Variants in FRS2 observed in about 807,000 individuals in gnomAD.
FRS2 encodes the protein FGFR signalling adaptor.
A neutral mutation model predicts 43.9 loss-of-function variants in FRS2; 8 were observed. That is an observed-to-expected ratio of 0.18 (90% CI 0.11 to 0.33). The LOEUF is 0.33. FRS2 is among the 10% of genes least tolerant of loss of function. FRS2 has a pLI of 1.00. For synonymous variants in FRS2, 219 were observed against 220.3 expected, an observed-to-expected ratio of 0.99 and a Z score of 0.05; for missense variants, 534 against 627.6, an observed-to-expected ratio of 0.85 and a Z score of 1.59.
intron 1 of FRS2, among the ~76,000 whole-genome samples, chr12:69,504,254 A>G (rs1158084588): frequency 1.3e-5 from 2 of 152,166 alleles, no homozygotes; most frequent in African/African-American, 4.8e-5. Flanking sequence ...AATCCCAGCT[A>G]TTCGGGAAGC....
intron 1 of FRS2, among the ~76,000 whole-genome samples, chr12:69,474,704 C>T (rs1278171651): frequency 6.6e-6 from 1 of 152,178 alleles, no homozygotes; most frequent in Non-Finnish European, 1.5e-5. Flanking sequence ...GATTTGGTTA[C>T]TTAAAAGCTA....
chr12:69,526,108 C>G (rs1488599773), intron 1 of FRS2, among the ~76,000 whole-genome samples: 2 of 152,092 alleles, frequency 1.3e-5, no homozygotes, highest in South Asian at 4.1e-4. Context: ...CTGCTGACCT[C>G]GGCCTCCCAA....
chr12:69,487,666 T>C (rs930791289), intron 1 of FRS2, among the ~76,000 whole-genome samples: 1 of 152,240 alleles, frequency 6.6e-6, no homozygotes, highest in African/African-American at 2.4e-5. Flanking sequence ...TCAAGTCTTA[T>C]TGTTTAAGAA....
Position 69,485,079 on chromosome 12 carries a change from T to TAA in FRS2, c.-261+14552_-261+14553dup, listed in dbSNP as rs1871710242. On this transcript the variant is annotated intron_variant, in intron 1 of 8. Transcript: ENST00000549921. Reference sequence around the variant, plus strand: ...TGGGAAACATAGTAAGACCTCATCTTAAAACACACACACACACACACACAC... The same window carrying TAA: ...TGGGAAACATAGTAAGACCTCATCTTAAAAAACACACACACACACACACACAC... 3.2e-4 allele frequency among the ~76,000 whole-genome samples: 9 copies of TAA among 27,864 alleles called. No individual in the cohort carries two copies. The South Asian group carries it at 7.8e-3, about 24-fold the overall frequency. The allele number at this position is 27,864 out of a possible 152,430, so 18.3% of individuals were successfully genotyped here.
intron 1 of FRS2, among the ~76,000 whole-genome samples, chr12:69,525,496 C>T (rs1876124721): frequency 6.6e-6 from 1 of 152,184 alleles, no homozygotes; most frequent in African/African-American, 2.4e-5. Context: ...CAAAACCATG[C>T]AGACCTTCCC....
rs142956125 is a variant in FRS2 at position 69,474,773 on chromosome 12, A to G, written c.-261+4243A>G. On this transcript the variant is annotated intron_variant, in intron 1 of 8. Coordinates refer to ENST00000549921, the MANE Select transcript of FRS2 (RefSeq NM_001278356.2). ...AAGTGGTATGTGAGGAGTTGGAAGC[A>G]AATCTCTGATACAGTATTTCACTTA... is the stretch of plus-strand genomic sequence containing the variant. Among the ~76,000 whole-genome samples the G allele has an allele frequency of 9.2e-3, 1,399 of 152,312 alleles. 24 individuals carry two copies. Among genetic ancestry groups the G allele is most frequent in the African/African-American group, 0.031 (1,289 of 41,570 alleles).
At chr12:69,515,081 C>G (rs1197734114) in intron 1 of FRS2, among the ~76,000 whole-genome samples, 2 of 152,150 alleles carry the variant, frequency 1.3e-5, no homozygotes. Flanking sequence ...AAAGATAGAC[C>G]AAGAGCAGGT....
chr12:69,521,478 G>C (rs1875634917), intron 1 of FRS2, among the ~76,000 whole-genome samples: 1 of 152,184 alleles, frequency 6.6e-6, no homozygotes, highest in South Asian at 2.1e-4. Flanking sequence ...CTTGTTTTGT[G>C]CTGGTTTTTA....
chr12:69,481,012 G>C (rs1871304343), intron 1 of FRS2, among the ~76,000 whole-genome samples: 1 of 152,150 alleles, frequency 6.6e-6, no homozygotes, highest in South Asian at 2.1e-4. Context: ...GGAGAATAGT[G>C]TCCTATTTTC....
chr12:69,504,150 C>T (rs1017148004), intron 1 of FRS2, among the ~76,000 whole-genome samples: 9 of 152,202 alleles, frequency 5.9e-5, no homozygotes, highest in Admixed American at 4.6e-4. Context: ...GCTTTCATTC[C>T]GATGAGTGAG....
chr12:69,518,240 CTTCT>C (rs973697174), intron 1 of FRS2, among the ~76,000 whole-genome samples: 1 of 152,192 alleles, frequency 6.6e-6, no homozygotes, highest in Non-Finnish European at 1.5e-5. Context: ...TTGGTGATTC[CTTCT>C]TTGTCTTTTG....
chr12:69,501,172 T>TA (rs11326072), intron 1 of FRS2, among the ~76,000 whole-genome samples: 54 of 148,696 alleles, frequency 3.6e-4, no homozygotes, highest in Non-Finnish European at 3.9e-4. Context: ...TTGCCATCCT[T>TA]AAAAAAAAAA....
intron 1 of FRS2, among the ~76,000 whole-genome samples, chr12:69,508,915 T>C (rs1346441353): frequency 1.3e-5 from 2 of 152,172 alleles, no homozygotes; most frequent in East Asian, 1.9e-4. Context: ...GTATCAGATT[T>C]TGGGGGTAGT....
rs1376807860 is a variant in FRS2 at position 69,530,848 on chromosome 12, C to T, written c.-260-17C>T. On this transcript the variant is annotated splice_polypyrimidine_tract_variant and intron_variant, in intron 1 of 8. Transcript: ENST00000549921. ...TATTCAAGAGTAACATTCTTAATAA[C>T]TTAACCTATATTTCAGAAATGACCA... The T allele has an allele frequency of 2.0e-5, 3 of 152,576 alleles. No homozygotes were observed. Among genetic ancestry groups the T allele is most frequent in the Non-Finnish European group, 2.9e-5 (2 of 68,042 alleles). The allele number at this position is 152,576 out of a possible 1,614,324, so 9.5% of individuals were successfully genotyped here. A position where few individuals can be genotyped will look rare whatever the true frequency, so the allele number is the denominator to read the frequency against.
rs1881224506 is a variant in FRS2 at position 69,576,829 on chromosome 12, T to C, written c.*1874T>C. ...TGTTCCCCTGTGAACTTGGTGCTTA[T>C]TAAAGTGCTCACTGTTCTCTTAAAA... On this transcript the variant is annotated 3_prime_UTR_variant, in exon 9 of 9. Coordinates refer to ENST00000549921, the MANE Select transcript of FRS2 (RefSeq NM_001278356.2). 1 of 152,634 alleles carries C rather than the reference T, an allele frequency of 6.6e-6. No homozygotes were observed. The highest frequency in any genetic ancestry group is 2.4e-5 in the African/African-American group (1 of 41,446). The allele number at this position is 152,634 out of a possible 1,614,324, so 9.5% of individuals were successfully genotyped here.
intron 1 of FRS2, among the ~76,000 whole-genome samples, chr12:69,505,097 G>A (rs779573711): frequency 6.6e-6 from 1 of 152,166 alleles, no homozygotes; most frequent in African/African-American, 2.4e-5. Flanking sequence ...GGCCTCTAGT[G>A]ATCCTCCCAC....
At chr12:69,562,941 C>G (rs991312721) in intron 4 of FRS2, among the ~76,000 whole-genome samples, 1 of 152,084 alleles carries the variant, frequency 6.6e-6, no homozygotes, top group African/African-American at 2.4e-5. Flanking sequence ...AGTCCTCCCA[C>G]GACAGCCTCC....
intron 3 of FRS2, among the ~76,000 whole-genome samples, chr12:69,540,123 C>T (rs980974859): frequency 1.3e-5 from 2 of 148,772 alleles, no homozygotes; most frequent in Admixed American, 6.7e-5. Context: ...TGTGGTGGTG[C>T]GCGCCTGTAG....
chr12:69,524,988 A>G (rs1021656493), intron 1 of FRS2, among the ~76,000 whole-genome samples: 3 of 152,022 alleles, frequency 2.0e-5, no homozygotes, highest in Non-Finnish European at 2.9e-5. Context: ...CGCTTCAGCT[A>G]TGCCCTGTAT....
Sources: allele counts gnomAD v4.1 joint callset (sites outside exome capture counted in the v4.1 genomes callset), GRCh38; gene constraint gnomAD v4.1.1; transcripts MANE v1.5; gene names NCBI Gene and HGNC (gene_info 2026-07-23, HGNC 2026-07-21).